The following SPINK5 variants were observed in gnomAD, a reference collection of about 807,000 sequenced individuals.
SPINK5 encodes the protein serine protease inhibitor Kazal-type 5.
In SPINK5, 125 loss-of-function variants were observed where a neutral mutation model predicts 151.8. The observed-to-expected ratio is 0.82, with a 90% confidence interval of 0.71 to 0.96. The LOEUF (loss-of-function observed/expected upper bound fraction) is 0.96, where lower values mean the gene tolerates loss of function less well. Among genes scored for constraint, SPINK5 ranks in the 40% least tolerant of loss-of-function variants. The pLI, the probability that SPINK5 is intolerant of heterozygous loss-of-function variation, is 0.00. For missense variants in SPINK5, 1,194 were observed against 1,291.9 expected (o/e 0.92, Z 1.16); for synonymous variants, 374 against 395.3 (o/e 0.95, Z 0.64).
At chr5:148,111,189 T>C (rs1430044511) in intron 18 of SPINK5, among the ~76,000 whole-genome samples, 1 of 151,598 alleles carries the variant, frequency 6.6e-6, no homozygotes, top group Admixed American at 6.6e-5. Flanking sequence ...TGGACCCCCC[T>C]TCTCTGTCTA....
chr5:148,094,462 G>T lies in SPINK5; in HGVS notation c.775G>T (p.Ala259Ser), dbSNP rs369086301. ...CGGCAGGATGCATGGCAACAAATGT[G>T]CCCTGTGTGCTGAAATTTTGTGAGT... The part of the protein sequence containing the change: ...PDGRMHGNKC[A>S]LCAEIFKQRF... The change falls in exon 9 of 33, where the codon GCC becomes TCC. Residue 259 changes from alanine (A) to serine (S), a missense_variant. By Grantham distance (99) the Ala-to-Ser change is moderately conservative. Coordinates refer to ENST00000256084, the MANE Select transcript of SPINK5 (RefSeq NM_006846.4). 1.4e-5 allele frequency: 22 copies of T among 1,612,506 alleles called. No individual in the cohort carries two copies. The highest frequency in any genetic ancestry group is 1.1e-5 in the Non-Finnish European group (13 of 1,179,032).
At chr5:148,099,142 AGG>A (rs1753560436) in intron 11 of SPINK5, 90 bp from the exon 12 acceptor site, 1 of 1,197,914 alleles carries the variant, frequency 8.3e-7, no homozygotes, top group Non-Finnish European at 1.2e-6. Flanking sequence ...TTCCACTCTA[AGG>A]AGGGAGAACA....
chr5:148,090,231 G>C (rs943672338), intron 7 of SPINK5, among the ~76,000 whole-genome samples: 1 of 151,782 alleles, frequency 6.6e-6, no homozygotes, highest in Non-Finnish European at 1.5e-5. Flanking sequence ...TCTAATTCAC[G>C]TGCCAGCAAA....
chr5:148,077,713 G>A (rs1414039636), intron 4 of SPINK5, among the ~76,000 whole-genome samples: 3 of 147,850 alleles, frequency 2.0e-5, no homozygotes, highest in Non-Finnish European at 4.5e-5. Flanking sequence ...TTAAGGCAAA[G>A]TTTCTCTATT....
intron 30 of SPINK5, among the ~76,000 whole-genome samples, chr5:148,127,317 AT>A (rs1381317332): frequency 2.0e-5 from 3 of 152,100 alleles, no homozygotes; most frequent in African/African-American, 7.2e-5. Context: ...ACATTTTGAA[AT>A]TTACAATGTG....
At chr5:148,130,623 GT>G (rs1754546728) in intron 30 of SPINK5, among the ~76,000 whole-genome samples, 1 of 152,096 alleles carries the variant, frequency 6.6e-6, no homozygotes, top group Non-Finnish European at 1.5e-5. Context: ...ATATACATAT[GT>G]TTTTTACCGT....
rs559800125 is a variant in SPINK5 at position 148,118,496 on chromosome 5, G to C, written c.2172G>C (p.Glu724Asp). The part of the protein sequence containing the change: ...MKNGRLSCTR[E>D]SDPVRDADGK... ...ATGGAAGACTCAGCTGTACTCGGGA[G>C]AGTGATCCTGTACGTGATGCTGATG... Residue 724 changes from glutamate (E) to aspartate (D), a missense_variant, in exon 23 of 33, where the codon GAG (glutamate) becomes GAC (aspartate). Physicochemically the swap from Glu to Asp is conservative, Grantham distance 45 (BLOSUM62 2). Transcript: ENST00000256084. The C allele has an allele frequency of 2.5e-6, 4 of 1,614,192 alleles. No individual in the cohort carries two copies. The highest frequency in any genetic ancestry group is 2.2e-5 in the East Asian group (1 of 44,870).
intron 28 of SPINK5, 164 bp from the exon 29 acceptor site, chr5:148,125,559 T>G (rs555458709): frequency 2.5e-6 from 4 of 1,613,984 alleles, no homozygotes; most frequent in South Asian, 1.1e-5. Context: ...AAGCGGAGGA[T>G]GCAAAATTTA....
chr5:148,064,082 C>T lies in SPINK5; in HGVS notation c.38C>T (p.Ala13Val). The T allele has an allele frequency of 6.2e-7, 1 of 1,614,170 alleles. No individual in the cohort carries two copies. The highest frequency in any genetic ancestry group is 1.1e-5 in the South Asian group (1 of 91,084). The change falls in exon 1 of 33, where the codon GCT becomes GTT. Residue 13 changes from alanine to valine, a missense_variant. Coordinates refer to ENST00000256084, the MANE Select transcript of SPINK5 (RefSeq NM_006846.4). The stretch of plus-strand genomic sequence containing the variant: ...ACAGTGTCAGTGCTTCTGCCCTTGG[C>T]TCTTTGCCTCATACAAGGTGAGCAA... Reference protein sequence around the residue: ...IATVSVLLPLALCLIQDAASK... With the variant: ...IATVSVLLPLVLCLIQDAASK...
chr5:148,099,147 G>A (rs1753560682), intron 11 of SPINK5, 87 bp from the exon 12 acceptor site: 1 of 1,252,286 alleles, frequency 8.0e-7, no homozygotes, highest in Non-Finnish European at 1.1e-6. Flanking sequence ...CTCTAAGGAG[G>A]GAGAACAGTT....
rs550859000 is a variant in SPINK5, at chr5:148,126,862, G to T, written c.2868-121G>T. ...CAGCCTGGGCCTTCCAAAATGCTGG[G>T]GTTACAGGCGTGAACTACCATGCCT... On this transcript the variant is annotated intron_variant, in intron 29 of 32. Transcript: ENST00000256084. The T allele has an allele frequency of 4.5e-5, 36 of 796,900 alleles. No homozygotes were observed. The Admixed American group carries it at 6.7e-4, about 15-fold the overall frequency. The allele number at this position is 796,900 out of a possible 1,614,324, so 49.4% of individuals were successfully genotyped here.
intron 30 of SPINK5, among the ~76,000 whole-genome samples, chr5:148,130,801 A>G (rs2113232234): frequency 6.6e-6 from 1 of 152,282 alleles, no homozygotes; most frequent in Non-Finnish European, 1.5e-5. Flanking sequence ...GGCTGAGAAA[A>G]GTTAGATAAG....
chr5:148,095,920 G>C lies in SPINK5; in HGVS notation c.882+15G>C. ...GAGAAATTGTGGTGAGAATCAGTTT[G>C]ATCAATCTAGTTACAACTTGTGTGT... On this transcript the variant is annotated intron_variant, in intron 10 of 32. Transcript: ENST00000256084. The C allele has an allele frequency of 6.3e-7, 1 of 1,599,024 alleles. No homozygotes were observed. Among genetic ancestry groups the C allele is most frequent in the South Asian group, 1.1e-5 (1 of 90,576 alleles).
At chr5:148,107,269 T>C in intron 17 of SPINK5, 105 bp downstream of exon 17, 1 of 1,515,154 alleles carries the variant, frequency 6.6e-7, no homozygotes, top group South Asian at 1.1e-5. Context: ...AGTTATATAT[T>C]AGAAAGGTTT....
chr5:148,121,960 C>G (rs1423955027), intron 26 of SPINK5, among the ~76,000 whole-genome samples: 1 of 150,672 alleles, frequency 6.6e-6, no homozygotes, highest in South Asian at 2.1e-4. Context: ...AGAGTAAGAA[C>G]TTGTCTTAAA....
At chr5:148,126,759 T>C (rs1472717844) in intron 29 of SPINK5, among the ~76,000 whole-genome samples, 7 of 151,922 alleles carry the variant, frequency 4.6e-5, no homozygotes, top group Non-Finnish European at 1.0e-4. Context: ...GCCCAGCTAA[T>C]TTTTGTATTT....
intron 7 of SPINK5, chr5:148,090,503 T>G (rs1235741088): frequency 6.6e-6 from 1 of 151,758 alleles, no homozygotes; most frequent in African/African-American, 2.4e-5. Context: ...TTTTTTCTTT[T>G]TATGCATTAT....
In SPINK5 at chr5:148,082,601, C is replaced by CT. The variant is rs1200775905; in HGVS notation, c.283-3777dup. Among the ~76,000 whole-genome samples the CT allele has an allele frequency of 3.7e-3, 157 of 42,760 alleles. 50 individuals carry two copies. Among genetic ancestry groups the CT allele is most frequent in the Middle Eastern group, 0.019 (1 of 54 alleles). 28.1% of individuals were successfully genotyped at this position (42,760 alleles called of 152,430 possible). On this transcript the variant is annotated intron_variant, in intron 4 of 32. Coordinates refer to ENST00000256084, the MANE Select transcript of SPINK5 (RefSeq NM_006846.4). Reference sequence around the variant, plus strand: ...TGCTTTTATGAATGTTTTATATATTCTTTTTTTTTTTTTTTTTTTTTTTTT... The same window carrying CT: ...TGCTTTTATGAATGTTTTATATATTCTTTTTTTTTTTTTTTTTTTTTTTTTT...
At chr5:148,133,677 A>G in intron 31 of SPINK5, 120 bp from the exon 32 acceptor site, 1 of 887,062 alleles carries the variant, frequency 1.1e-6, no homozygotes, top group African/African-American at 1.7e-5. Flanking sequence ...CAGATCCCAG[A>G]TCCTCCCTCT....
Sources: gnomAD v4.1 joint callset for allele counts (sites outside exome capture counted in the v4.1 genomes callset) on GRCh38, gnomAD v4.1.1 for gene constraint, MANE v1.5 for transcripts, NCBI Gene and HGNC (gene_info 2026-07-23, HGNC 2026-07-21) for gene names.